Variants in TMEM132C observed in about 807,000 individuals in gnomAD.
The protein encoded by TMEM132C is transmembrane protein 132C, also known as protein phosphatase 1, regulatory subunit 152.
TMEM132C carries 29 observed loss-of-function variants against 61.4 expected under a neutral mutation model. The ratio of observed to expected loss-of-function variants is 0.47; its 90% CI spans 0.35 to 0.64. The LOEUF (loss-of-function observed/expected upper bound fraction) is 0.64. Among genes scored for constraint, TMEM132C ranks in the 30% least tolerant of loss-of-function variants. TMEM132C has a pLI of 0.00. For missense variants in TMEM132C, 1,408 were observed against 1,476.9 expected (o/e 0.95, Z 0.76); for synonymous variants, 656 against 633.1 (o/e 1.04, Z -0.54).
chr12:128,273,428 C>G (rs759993807), intron 1 of TMEM132C, among the ~76,000 whole-genome samples: 26 of 152,040 alleles, frequency 1.7e-4, no homozygotes, highest in Non-Finnish European at 2.9e-4. Context: ...TAACTTATGT[C>G]TCTATATGTA....
chr12:128,337,158 CT>C (rs980558911), intron 1 of TMEM132C, among the ~76,000 whole-genome samples: 17 of 150,844 alleles, frequency 1.1e-4, no homozygotes, highest in Admixed American at 7.9e-4. Context: ...TTCTTCTTCC[CT>C]TTTTTTTTCA....
At chr12:128,521,930 G>A (rs1872919004) in intron 2 of TMEM132C, among the ~76,000 whole-genome samples, 1 of 152,134 alleles carries the variant, frequency 6.6e-6, no homozygotes, top group Non-Finnish European at 1.5e-5. Context: ...GGCCAGGGAG[G>A]TAAAGATTAC....
At chr12:128,445,952 C>T (rs1488573930) in intron 2 of TMEM132C, among the ~76,000 whole-genome samples, 1 of 152,126 alleles carries the variant, frequency 6.6e-6, no homozygotes, top group Admixed American at 6.6e-5. Context: ...ACGTGAGATA[C>T]TTAATCTCTG....
At chr12:128,542,771 G>C (rs976636828) in intron 2 of TMEM132C, among the ~76,000 whole-genome samples, 7 of 148,818 alleles carry the variant, frequency 4.7e-5, no homozygotes, top group African/African-American at 1.3e-4. Context: ...TGAGGCAGGG[G>C]AATTGCTTGA....
rs573919218 is a variant in TMEM132C, at chr12:128,408,428, C to G, written c.86-6304C>G. 4.6e-5 allele frequency among the ~76,000 whole-genome samples: 7 copies of G among 152,248 alleles called. No homozygotes were observed. The East Asian group carries it at 1.4e-3, about 29-fold the overall frequency. Reference sequence around the variant, plus strand: ...ATGGGCCTGGAATCCTGTGCCCCGCCCCTTCACAGAGCCCTTGGCTCACAA... The same window carrying G: ...ATGGGCCTGGAATCCTGTGCCCCGCGCCTTCACAGAGCCCTTGGCTCACAA... On this transcript the variant is annotated intron_variant, in intron 1 of 8. Transcript: ENST00000435159.
At chr12:128,516,537 AG>A (rs1872724705) in intron 2 of TMEM132C, among the ~76,000 whole-genome samples, 1 of 152,066 alleles carries the variant, frequency 6.6e-6, no homozygotes, top group Non-Finnish European at 1.5e-5. Context: ...GTGCCGTGAT[AG>A]GAGTTTAGGG....
intron 3 of TMEM132C, among the ~76,000 whole-genome samples, chr12:128,615,187 A>AG (rs901583771): frequency 2.0e-5 from 3 of 152,104 alleles, no homozygotes; most frequent in African/African-American, 7.2e-5. Context: ...GGACAAGCAG[A>AG]GGGGGTTGAA....
chr12:128,585,748 A>T (rs1875520948), intron 3 of TMEM132C, among the ~76,000 whole-genome samples: 1 of 152,246 alleles, frequency 6.6e-6, no homozygotes, highest in Non-Finnish European at 1.5e-5. Flanking sequence ...ACGGCATGGA[A>T]GAACCTTGAG....
At position 128,514,038 on chromosome 12, in the gene TMEM132C, G is replaced by A. The variant is rs185038987; in HGVS notation, c.975-29919G>A. 4.7e-3 allele frequency among the ~76,000 whole-genome samples: 712 copies of A among 152,300 alleles called. 3 individuals are homozygous for A. Among genetic ancestry groups the A allele is most frequent in the African/African-American group, 0.015 (617 of 41,556 alleles). On this transcript the variant is annotated intron_variant, in intron 2 of 8. Transcript: ENST00000435159. ...TTTGAGGCTCCAATGCTTGCCAGGC[G>A]GAATTACTGCACAGCAGGGTAGTCA...
intron 2 of TMEM132C, among the ~76,000 whole-genome samples, chr12:128,502,521 T>C (rs543825176): frequency 6.6e-6 from 1 of 152,330 alleles, no homozygotes; most frequent in East Asian, 1.9e-4. Context: ...CATCACCTTT[T>C]TCACCCTAAA....
chr12:128,612,927 T>A (rs1876682593), intron 3 of TMEM132C, among the ~76,000 whole-genome samples: 1 of 152,194 alleles, frequency 6.6e-6, no homozygotes, highest in African/African-American at 2.4e-5. Flanking sequence ...TTCTTTTTCA[T>A]GCCTCTTTCC....
intron 5 of TMEM132C, among the ~76,000 whole-genome samples, chr12:128,678,040 T>C (rs1173317692): frequency 6.6e-6 from 1 of 152,188 alleles, no homozygotes; most frequent in African/African-American, 2.4e-5. Context: ...CTCCAAGTCC[T>C]TGAGAGTGTG....
chr12:128,285,619 G>T (rs2135903012), intron 1 of TMEM132C, among the ~76,000 whole-genome samples: 1 of 151,680 alleles, frequency 6.6e-6, no homozygotes, highest in Non-Finnish European at 1.5e-5. Context: ...TTTGAATAGG[G>T]CGTCAAGGAC....
intron 5 of TMEM132C, among the ~76,000 whole-genome samples, chr12:128,690,129 G>A (rs1368739564): frequency 2.0e-5 from 3 of 152,144 alleles, no homozygotes; most frequent in Non-Finnish European, 2.9e-5. Flanking sequence ...TGACCCCACC[G>A]TCCCTGGGTC....
chr12:128,555,669 A>C (rs912426282), intron 3 of TMEM132C, among the ~76,000 whole-genome samples: 1 of 150,966 alleles, frequency 6.6e-6, no homozygotes, highest in Non-Finnish European at 1.5e-5. Flanking sequence ...GCAAACGTTG[A>C]CTGTTAAAGC....
chr12:128,334,841 C>A (rs1872754665), intron 1 of TMEM132C, among the ~76,000 whole-genome samples: 1 of 152,180 alleles, frequency 6.6e-6, no homozygotes, highest in East Asian at 1.9e-4. Context: ...TGTGATCTGC[C>A]CGCTTCAGCC....
chr12:128,313,992 G>A (rs949895911), intron 1 of TMEM132C, among the ~76,000 whole-genome samples: 5 of 152,186 alleles, frequency 3.3e-5, no homozygotes, highest in Non-Finnish European at 7.3e-5. Context: ...CAAGTTGTCT[G>A]AGAAGTTGAT....
intron 5 of TMEM132C, among the ~76,000 whole-genome samples, chr12:128,676,953 G>A (rs750738423): frequency 1.2e-4 from 19 of 152,174 alleles, no homozygotes; most frequent in South Asian, 8.3e-4. Flanking sequence ...CCTGGATGTC[G>A]GCCTCTTTGT....
chr12:128,633,050 C>G (rs772037917), intron 4 of TMEM132C, among the ~76,000 whole-genome samples: 5 of 152,168 alleles, frequency 3.3e-5, no homozygotes, highest in Non-Finnish European at 7.4e-5. Context: ...TGAGGTCTTT[C>G]ATGAGTTGCA....
Sources: gnomAD v4.1 joint callset for allele counts (sites outside exome capture counted in the v4.1 genomes callset) on GRCh38, gnomAD v4.1.1 for gene constraint, MANE v1.5 for transcripts, NCBI Gene and HGNC (gene_info 2026-07-23, HGNC 2026-07-21) for gene names.